The following CRISPLD2 variants were observed in gnomAD, a reference collection of about 807,000 sequenced individuals.
CRISPLD2 encodes the protein cysteine-rich secretory protein LCCL domain-containing 2.
Under a neutral mutation model 71.1 loss-of-function variants are expected in CRISPLD2, and 47 were observed. That is an observed-to-expected ratio of 0.66 (90% CI 0.52 to 0.84). The LOEUF (loss-of-function observed/expected upper bound fraction) is 0.84. Among genes scored for constraint, CRISPLD2 ranks in the 40% least tolerant of loss-of-function variants. CRISPLD2 has a pLI of 0.00. For missense variants in CRISPLD2, 830 were observed against 651.1 expected (o/e 1.27, Z -2.99); for synonymous variants, 317 against 250.1 (o/e 1.27, Z -2.52).
chr16:84,856,591 C>T (rs1315811755), intron 6 of CRISPLD2, among the ~76,000 whole-genome samples: 2 of 152,180 alleles, frequency 1.3e-5, no homozygotes, highest in Non-Finnish European at 2.9e-5. Flanking sequence ...TCCACTTCCA[C>T]CCCTTAATTC....
chr16:84,827,463 T>C (rs6564081), intron 1 of CRISPLD2, among the ~76,000 whole-genome samples: 54,800 of 151,770 alleles, frequency 0.36, 11,038 homozygotes, highest in African/African-American at 0.55. Flanking sequence ...CCCAGCTTCA[T>C]GGGCTTTTCG....
rs775820924 is a variant in CRISPLD2 at position 84,906,589 on chromosome 16, C to T, written c.1441C>T (p.Leu481=). ...GGCCCTCTTTCTTCTTTTTTTCAGC[C>T]TGGGGACTCCTCGGGATGGAAAGGC... ...SLRNGVQSES[L]GTPRDGKAFR... The change falls in exon 15 of 15, where the codon CTG becomes TTG. Residue 481 remains leucine, a splice_region_variant and synonymous_variant. Transcript: ENST00000262424. 9 of 1,612,758 alleles carry T rather than the reference C, an allele frequency of 5.6e-6. No individual in the cohort carries two copies. In the East Asian group the frequency reaches 1.1e-4, roughly 20 times the overall value.
intron 13 of CRISPLD2, among the ~76,000 whole-genome samples, chr16:84,883,717 C>T (rs909592817): frequency 1.3e-5 from 2 of 152,188 alleles, no homozygotes; most frequent in African/African-American, 4.8e-5. Context: ...CTAGCGATGA[C>T]AATCCCTTGG....
At chr16:84,884,144 C>T (rs963189404) in intron 13 of CRISPLD2, among the ~76,000 whole-genome samples, 12 of 152,182 alleles carry the variant, frequency 7.9e-5, no homozygotes, top group African/African-American at 2.9e-4. Context: ...CACACACAGC[C>T]CTTCTTTAAT....
chr16:84,901,804 T>C (rs1216438074), intron 14 of CRISPLD2, among the ~76,000 whole-genome samples: 1 of 142,818 alleles, frequency 7.0e-6, no homozygotes, highest in East Asian at 2.0e-4. Context: ...TTTTTTTTTT[T>C]TTTTTTTGAT....
chr16:84,843,540 A>G (rs1170486981), intron 2 of CRISPLD2, among the ~76,000 whole-genome samples: 1 of 152,198 alleles, frequency 6.6e-6, no homozygotes, highest in Non-Finnish European at 1.5e-5. Flanking sequence ...CTTCGGGCAG[A>G]TTGCTTAGCC....
chr16:84,859,280 A>G (rs1917321328), intron 6 of CRISPLD2, among the ~76,000 whole-genome samples: 1 of 152,198 alleles, frequency 6.6e-6, no homozygotes, highest in Non-Finnish European at 1.5e-5. Flanking sequence ...GACCTGAGCT[A>G]AAACTCCATT....
At position 84,867,006 on chromosome 16, in the gene CRISPLD2, C is replaced by T. The variant is rs201282189; in HGVS notation, c.819C>T (p.Thr273=). The T allele has an allele frequency of 2.5e-4, 409 of 1,613,948 alleles. No homozygotes were observed. The highest frequency in any genetic ancestry group is 3.2e-4 in the Non-Finnish European group (379 of 1,180,016). The change falls in exon 7 of 15, where the codon ACC becomes ACT. Residue 273 remains threonine, a synonymous_variant. Transcript: ENST00000262424. The stretch of plus-strand genomic sequence containing the variant: ...TCCAACCGAGGGTGATGAGACCCAC[C>T]AAGCCCAAGAAAACCTCTGCGGTCA... ...VWLQPRVMRP[T]KPKKTSAVNY... is the part of the protein sequence containing the mutation.
chr16:84,829,630 C>T (rs1916438746), intron 1 of CRISPLD2, among the ~76,000 whole-genome samples: 1 of 152,182 alleles, frequency 6.6e-6, no homozygotes, highest in Admixed American at 6.5e-5. Context: ...TGGTGCAGGG[C>T]CACAGGTCAG....
chr16:84,847,465 C>A (rs1287498886), intron 3 of CRISPLD2, among the ~76,000 whole-genome samples: 2 of 152,134 alleles, frequency 1.3e-5, no homozygotes, highest in Non-Finnish European at 2.9e-5. Flanking sequence ...TCCTGGCCAA[C>A]ATAGTGAAAC....
At chr16:84,826,788 T>G (rs1159414911) in intron 1 of CRISPLD2, among the ~76,000 whole-genome samples, 2 of 152,258 alleles carry the variant, frequency 1.3e-5, no homozygotes, top group African/African-American at 4.8e-5. Flanking sequence ...CCAGCTGGAC[T>G]TTATCTGGGG....
chr16:84,873,891 C>A, intron 10 of CRISPLD2, 29 bp from the exon 11 acceptor site: 1 of 1,458,946 alleles, frequency 6.9e-7, no homozygotes, highest in Non-Finnish European at 9.2e-7. Flanking sequence ...TACCTAATGC[C>A]CGTTTTTTTT....
chr16:84,867,061 G>C (rs1283254165), intron 7 of CRISPLD2, 21 bp downstream of exon 7: 2 of 1,605,546 alleles, frequency 1.2e-6, no homozygotes, highest in East Asian at 4.5e-5. Context: ...GCCGTCCTCC[G>C]CCCCTCCTGC....
intron 13 of CRISPLD2, among the ~76,000 whole-genome samples, chr16:84,882,952 T>C (rs938356604): frequency 3.3e-5 from 5 of 152,206 alleles, no homozygotes; most frequent in Admixed American, 2.0e-4. Flanking sequence ...TACACTGATA[T>C]GAACAGGCGT....
intron 6 of CRISPLD2, among the ~76,000 whole-genome samples, chr16:84,859,013 G>C (rs951553603): frequency 6.6e-6 from 1 of 152,222 alleles, no homozygotes; most frequent in Non-Finnish European, 1.5e-5. Context: ...CCACCCCTGT[G>C]TCTTTCAAGT....
intron 9 of CRISPLD2, 136 bp from the exon 10 acceptor site, chr16:84,872,856 G>A: frequency 7.2e-6 from 8 of 1,107,708 alleles, no homozygotes; most frequent in Non-Finnish European, 1.0e-5. Flanking sequence ...ACAGAGGCGA[G>A]AGGCAGGAGC....
intron 1 of CRISPLD2, among the ~76,000 whole-genome samples, chr16:84,835,270 A>G (rs1030996885): frequency 6.6e-6 from 1 of 152,050 alleles, no homozygotes; most frequent in African/African-American, 2.4e-5. Context: ...TTGTATTTTT[A>G]GTAGAGACGG....
chr16:84,834,863 A>T (rs534804433), intron 1 of CRISPLD2, among the ~76,000 whole-genome samples: 1 of 151,992 alleles, frequency 6.6e-6, no homozygotes, highest in East Asian at 1.9e-4. Flanking sequence ...GACACCAGTC[A>T]GCTTGGTTAG....
chr16:84,854,987 G>A (rs539936747), intron 6 of CRISPLD2, among the ~76,000 whole-genome samples, 158 bp downstream of exon 6: 13 of 152,290 alleles, frequency 8.5e-5, no homozygotes, highest in Non-Finnish European at 1.6e-4. Context: ...GTGATGAGCT[G>A]AGCCTCATCT....
Sources: allele counts gnomAD v4.1 joint callset (sites outside exome capture counted in the v4.1 genomes callset), GRCh38; gene constraint gnomAD v4.1.1; transcripts MANE v1.5; gene names NCBI Gene and HGNC (gene_info 2026-07-23, HGNC 2026-07-21).